The following AGMO variants were observed in gnomAD, a reference collection of about 807,000 sequenced individuals.
AGMO encodes the protein glyceryl-ether monooxygenase.
In AGMO, 75 loss-of-function variants were observed where a neutral mutation model predicts 60.2. That is an observed-to-expected ratio of 1.25 (90% confidence interval 1.03 to 1.51). AGMO has a LOEUF of 1.51. Among genes scored for constraint, AGMO ranks in the 40% most tolerant of loss-of-function variants. The probability of loss-of-function intolerance (pLI) is 0.00; values close to 1 mark genes in which losing one functional copy is unlikely to be tolerated. For synonymous variants in AGMO, 261 were observed against 177.1 expected, an observed-to-expected ratio of 1.47 and a Z score of -3.76; for missense variants, 763 against 525.5, an observed-to-expected ratio of 1.45 and a Z score of -4.42.
chr7:15,377,590 G>T (rs1783504853), intron 10 of AGMO, among the ~76,000 whole-genome samples: 1 of 151,964 alleles, frequency 6.6e-6, no homozygotes, highest in African/African-American at 2.4e-5. Context: ...CTATGAATCA[G>T]TATAATTTAT....
At chr7:15,278,939 T>G (rs1024959350) in intron 12 of AGMO, among the ~76,000 whole-genome samples, 2 of 150,894 alleles carry the variant, frequency 1.3e-5, no homozygotes, top group African/African-American at 4.9e-5. Flanking sequence ...AGGCGGGGAG[T>G]CGTGTGGTGT....
chr7:15,477,613 C>T (rs1216542186), intron 3 of AGMO, among the ~76,000 whole-genome samples: 1 of 152,076 alleles, frequency 6.6e-6, no homozygotes, highest in East Asian at 1.9e-4. Flanking sequence ...TCTAAAATAC[C>T]AATGTGCAGG....
intron 3 of AGMO, among the ~76,000 whole-genome samples, chr7:15,500,263 GT>G (rs1783346785): frequency 1.3e-5 from 2 of 151,878 alleles, no homozygotes; most frequent in African/African-American, 4.8e-5. Flanking sequence ...TTGAGTGTCT[GT>G]CCCAGTCAGG....
intron 3 of AGMO, among the ~76,000 whole-genome samples, chr7:15,525,589 C>A (rs1020157875): frequency 2.2e-4 from 34 of 152,124 alleles, no homozygotes; most frequent in African/African-American, 7.7e-4. Flanking sequence ...CCTCTTCACC[C>A]TTCAACTTTC....
intron 12 of AGMO, among the ~76,000 whole-genome samples, chr7:15,364,651 C>T (rs149088951): frequency 3.3e-5 from 5 of 151,936 alleles, no homozygotes; most frequent in East Asian, 1.9e-4. Context: ...AGTGAAATGC[C>T]GGGTTAACGG....
At chr7:15,392,995 C>T (rs1784213003) in intron 6 of AGMO, among the ~76,000 whole-genome samples, 1 of 152,146 alleles carries the variant, frequency 6.6e-6, no homozygotes, top group Non-Finnish European at 1.5e-5. Flanking sequence ...AATATAGTAC[C>T]GAAAGTAAAC....
downstream of AGMO, among the ~76,000 whole-genome samples, chr7:15,198,248 AGAGAGAGACAGAGACAGAGAGAGAGTGT>A (rs1563030486): frequency 1.8e-4 from 15 of 82,262 alleles, no homozygotes; most frequent in African/African-American, 3.1e-4. Flanking sequence ...AGAGAGAGAG[AGAGAGAGACAGAGACAGAGAGAGAGTGT>A]GTTAAAGTCC....
chr7:15,277,236 C>T (rs758452675), intron 12 of AGMO, among the ~76,000 whole-genome samples: 12 of 151,710 alleles, frequency 7.9e-5, no homozygotes, highest in Non-Finnish European at 1.8e-4. Flanking sequence ...GCCTGGGAGG[C>T]AGAGGTGTCA....
At chr7:15,439,439 T>A (rs919426232) in intron 3 of AGMO, among the ~76,000 whole-genome samples, 2 of 152,040 alleles carry the variant, frequency 1.3e-5, no homozygotes, top group Non-Finnish European at 2.9e-5. Flanking sequence ...TCCTGCAGCT[T>A]TTTCCTCCCT....
chr7:15,333,302 G>A (rs558968509), intron 12 of AGMO, among the ~76,000 whole-genome samples: 14 of 152,076 alleles, frequency 9.2e-5, no homozygotes, highest in East Asian at 3.9e-4. Context: ...AAAAGGCTTC[G>A]TGTGTACTAT....
chr7:15,515,928 C>T (rs116087347), intron 3 of AGMO, among the ~76,000 whole-genome samples: 2,308 of 152,176 alleles, frequency 0.015, 62 homozygotes, highest in African/African-American at 0.054. Context: ...TATAAAATTT[C>T]AGTTAGACAG....
At chr7:15,188,482 T>C in the AGMO span, among the ~76,000 whole-genome samples, 51,944 of 152,080 alleles carry the variant, frequency 0.34, 10,512 homozygotes, top group Middle Eastern at 0.47. Flanking sequence ...ATAAGTATAC[T>C]GTCAATAAGG....
In AGMO at chr7:15,219,606, G is replaced by C. The variant is rs76110939; in HGVS notation, c.1264-18247C>G. On this transcript the variant is annotated intron_variant, in intron 12 of 12. Transcript: ENST00000342526. ...GTAAGACAAGATAGGTGATTGAAGC[G>C]TTCTCATCCTGGAGCTATGTGATTC... Among the ~76,000 whole-genome samples the C allele has an allele frequency of 6.6e-5, 10 of 152,184 alleles. No homozygotes were observed. The South Asian group carries it at 8.3e-4, about 13-fold the overall frequency.
chr7:15,390,773 T>C (rs776820280), intron 7 of AGMO, 23 bp from the exon 8 acceptor site: 5 of 1,597,620 alleles, frequency 3.1e-6, no homozygotes, highest in South Asian at 1.1e-5. Flanking sequence ...TATAAAGATA[T>C]GAGATTTGGC....
At chr7:15,519,775 C>G (rs1262226013) in intron 3 of AGMO, among the ~76,000 whole-genome samples, 1 of 152,050 alleles carries the variant, frequency 6.6e-6, no homozygotes, top group Non-Finnish European at 1.5e-5. Context: ...CAGCTAGTAT[C>G]ATAATGACAG....
chr7:15,431,119 C>A lies in AGMO; in HGVS notation c.410-11G>T. Reference sequence around the variant, plus strand: ...ACATAATATTAACTTCTGCAAAACACATAATTTGCAATGAGCCATGAGAAT... The same window carrying A: ...ACATAATATTAACTTCTGCAAAACAAATAATTTGCAATGAGCCATGAGAAT... On this transcript the variant is annotated splice_polypyrimidine_tract_variant and intron_variant, in intron 3 of 12. Transcript: ENST00000342526. 6.3e-7 allele frequency: 1 copy of A among 1,583,854 alleles called. No homozygotes were observed. Among genetic ancestry groups the A allele is most frequent in the Non-Finnish European group, 8.7e-7 (1 of 1,153,836 alleles).
intron 6 of AGMO, among the ~76,000 whole-genome samples, chr7:15,393,634 AGGGAAAC>A (rs1784242692): frequency 1.3e-5 from 2 of 152,310 alleles, no homozygotes; most frequent in South Asian, 4.1e-4. Context: ...TTTTCTCGTC[AGGGAAAC>A]GCAGCTTATA....
chr7:15,450,649 A>G (rs1781833781), intron 3 of AGMO, among the ~76,000 whole-genome samples: 1 of 152,160 alleles, frequency 6.6e-6, no homozygotes, highest in Non-Finnish European at 1.5e-5. Context: ...ACAAACATAC[A>G]TACACACACA....
intron 12 of AGMO, among the ~76,000 whole-genome samples, chr7:15,241,636 C>T (rs1298331157): frequency 2.6e-5 from 4 of 152,048 alleles, no homozygotes; most frequent in Non-Finnish European, 4.4e-5. Context: ...TGAAGAGATT[C>T]ACTGGACTCT....
Sources: gnomAD v4.1 joint callset for allele counts (sites outside exome capture counted in the v4.1 genomes callset) on GRCh38, gnomAD v4.1.1 for gene constraint, MANE v1.5 for transcripts, NCBI Gene and HGNC (gene_info 2026-07-23, HGNC 2026-07-21) for gene names.